Variants in FARP1 observed in about 807,000 individuals in gnomAD.
FARP1 encodes the protein FERM, ARH/RhoGEF and pleckstrin domain protein 1, also known as FERM, ARHGEF and pleckstrin domain-containing protein 1.
In FARP1, 52 loss-of-function variants were observed where a neutral mutation model predicts 128.8. The observed-to-expected ratio is 0.40, with a 90% CI of 0.32 to 0.51. FARP1 has a LOEUF of 0.51. Ranked by LOEUF, FARP1 falls within the 20% of genes least tolerant of loss-of-function variation. The pLI is 0.45. For missense variants in FARP1, 1,333 were observed against 1,367.9 expected, an observed-to-expected ratio of 0.97 and a Z score of 0.40; for synonymous variants, 580 against 551.8, an observed-to-expected ratio of 1.05 and a Z score of -0.72.
At chr13:98,179,242 G>A (rs540567065) in intron 1 of FARP1, among the ~76,000 whole-genome samples, 2 of 152,252 alleles carry the variant, frequency 1.3e-5, no homozygotes, top group African/African-American at 4.8e-5. Flanking sequence ...AAGTGAAAGG[G>A]GTTTGCCCTT....
At chr13:98,377,940 T>G in intron 6 of FARP1, 22 bp downstream of exon 6, 2 of 1,521,486 alleles carry the variant, frequency 1.3e-6, no homozygotes, top group Non-Finnish European at 1.8e-6. Flanking sequence ...TGGTTTCCTT[T>G]GAAAATCATG....
chr13:98,347,545 T>A (rs554573531), intron 3 of FARP1, among the ~76,000 whole-genome samples: 3 of 145,970 alleles, frequency 2.1e-5, no homozygotes, highest in East Asian at 3.9e-4. Context: ...AATGTTCATC[T>A]GTGCAGTGGC....
At chr13:98,271,949 C>T (rs1884410653) in intron 2 of FARP1, among the ~76,000 whole-genome samples, 2 of 152,092 alleles carry the variant, frequency 1.3e-5, no homozygotes, top group South Asian at 4.1e-4. Context: ...GGGTTTATAC[C>T]CAGTAATGGA....
chr13:98,338,682 C>G (rs1887841295), intron 2 of FARP1: 1 of 152,200 alleles, frequency 6.6e-6, no homozygotes, highest in Non-Finnish European at 1.5e-5. Flanking sequence ...AGTGAGATCG[C>G]TGTATCCTAG....
intron 2 of FARP1, among the ~76,000 whole-genome samples, chr13:98,283,887 G>A (rs1885052750): frequency 1.3e-5 from 2 of 152,198 alleles, no homozygotes; most frequent in Non-Finnish European, 2.9e-5. Context: ...GTTTGGAAGG[G>A]CAGCTAACAA....
Position 98,197,452 on chromosome 13 carries a change from G to A in FARP1, c.-23-15768G>A, listed in dbSNP as rs1210129584. Among the ~76,000 whole-genome samples the A allele has an allele frequency of 7.9e-5, 12 of 151,904 alleles. No homozygotes were observed. The East Asian group carries it at 2.0e-3, about 25-fold the overall frequency. ...TTGCACTCCAGCCTGGGCAACAAGA[G>A]CAAAACTCCATCTCAAAAAAAAGAA... On this transcript the variant is annotated intron_variant, in intron 1 of 26. Transcript: ENST00000319562.
chr13:98,164,996 C>T (rs1487261762), intron 1 of FARP1, among the ~76,000 whole-genome samples: 1 of 152,048 alleles, frequency 6.6e-6, no homozygotes, highest in African/African-American at 2.4e-5. Flanking sequence ...GGGTGGATCA[C>T]TTGAGGTCGG....
intron 24 of FARP1, 86 bp downstream of exon 24, chr13:98,440,922 G>A: frequency 1.4e-6 from 2 of 1,393,410 alleles, no homozygotes; most frequent in African/African-American, 2.9e-5. Flanking sequence ...GGGCTTGAGG[G>A]AGGCTGGGAC....
chr13:98,206,177 T>TTGTGTGTGTG (rs3138577), intron 1 of FARP1, among the ~76,000 whole-genome samples: 1 of 146,464 alleles, frequency 6.8e-6, no homozygotes, highest in African/African-American at 2.5e-5. Context: ...TGACTTGAGG[T>TTGTGTGTGTG]TGTGTGTGTG....
chr13:98,405,374 T>C (rs1890933429), intron 13 of FARP1: 2 of 152,258 alleles, frequency 1.3e-5, no homozygotes, highest in African/African-American at 4.8e-5. Context: ...CGTAATTGTT[T>C]GTGCCATGAG....
intron 6 of FARP1, 97 bp from the exon 7 acceptor site, chr13:98,384,633 T>C: frequency 4.1e-6 from 3 of 724,990 alleles, no homozygotes; most frequent in South Asian, 3.3e-5. Context: ...GCTCACCTTA[T>C]GTTGTCTGCT....
At chr13:98,383,892 C>T (rs1440168287) in intron 6 of FARP1, 9 of 152,112 alleles carry the variant, frequency 5.9e-5, no homozygotes, top group Admixed American at 4.6e-4. Flanking sequence ...GACAAGACTA[C>T]GAAAAGTTTA....
At chr13:98,294,956 G>T (rs1356025970) in intron 2 of FARP1, among the ~76,000 whole-genome samples, 1 of 151,128 alleles carries the variant, frequency 6.6e-6, no homozygotes, top group Non-Finnish European at 1.5e-5. Context: ...GGCAGAGGTT[G>T]CAGTGAGCTG....
At chr13:98,173,436 C>A (rs1281948516) in intron 1 of FARP1, among the ~76,000 whole-genome samples, 2 of 152,114 alleles carry the variant, frequency 1.3e-5, no homozygotes, top group Admixed American at 6.5e-5. Context: ...TTTTGCCTCT[C>A]CTGGAGTCTT....
intron 26 of FARP1, chr13:98,447,614 T>C (rs1892933729): frequency 1.3e-5 from 2 of 152,494 alleles, no homozygotes; most frequent in Admixed American, 1.3e-4. Flanking sequence ...CATCTAAAAA[T>C]GTCTCCAGAC....
chr13:98,251,846 GT>G (rs1883342243), intron 2 of FARP1, among the ~76,000 whole-genome samples: 1 of 152,076 alleles, frequency 6.6e-6, no homozygotes, highest in Non-Finnish European at 1.5e-5. Context: ...TTGTATGTAT[GT>G]ATGTATGTGT....
intron 2 of FARP1, among the ~76,000 whole-genome samples, chr13:98,238,859 A>T (rs1228388793): frequency 6.6e-6 from 1 of 152,214 alleles, no homozygotes; most frequent in African/African-American, 2.4e-5. Context: ...TGGGGGAGTC[A>T]AAAGTTCTAC....
At chr13:98,177,502 C>T (rs1341057973) in intron 1 of FARP1, among the ~76,000 whole-genome samples, 1 of 152,000 alleles carries the variant, frequency 6.6e-6, no homozygotes, top group African/African-American at 2.4e-5. Flanking sequence ...CAAAAATTAC[C>T]TGGGTGTGGT....
intron 3 of FARP1, among the ~76,000 whole-genome samples, chr13:98,358,142 G>GT (rs995701077): frequency 1.3e-5 from 2 of 150,088 alleles, no homozygotes; most frequent in Admixed American, 1.3e-4. Flanking sequence ...GCTCTCCTAA[G>GT]TTTTTTTTGG....
Sources: allele counts gnomAD v4.1 joint callset (sites outside exome capture counted in the v4.1 genomes callset), GRCh38; gene constraint gnomAD v4.1.1; transcripts MANE v1.5; gene names NCBI Gene and HGNC (gene_info 2026-07-23, HGNC 2026-07-21).